The following PLXDC2 variants were observed in gnomAD, a reference collection of about 807,000 sequenced individuals.
PLXDC2 encodes plexin domain containing 2.
PLXDC2 carries 40 observed loss-of-function variants against 68.9 expected under a neutral mutation model. The ratio of observed to expected loss-of-function variants is 0.58; its 90% confidence interval spans 0.45 to 0.76. PLXDC2 has a LOEUF of 0.76. Among genes scored for constraint, PLXDC2 ranks in the 30% least tolerant of loss-of-function variants. The pLI, the probability that PLXDC2 is intolerant of heterozygous loss-of-function variation, is 0.00. For synonymous variants in PLXDC2, 243 were observed against 234.2 expected (o/e 1.04, Z -0.34); for missense variants, 644 against 661.9 (o/e 0.97, Z 0.30).
At position 19,893,806 on chromosome 10, in the gene PLXDC2, G is replaced by A. The variant is rs568452601; in HGVS notation, c.112+76615G>A. ...TGTCATGTCAGAAATGACAACTCAT[G>A]TCTCCTCAACTAGTTACACAGCTCT... is the stretch of plus-strand genomic sequence containing the variant. On this transcript the variant is annotated intron_variant, in intron 1 of 13. Coordinates refer to ENST00000377252, the MANE Select transcript of PLXDC2 (RefSeq NM_032812.9). Among the ~76,000 whole-genome samples the A allele has an allele frequency of 3.9e-5, 6 of 152,246 alleles. No individual in the cohort carries two copies. In the South Asian group the frequency reaches 1.2e-3, roughly 32 times the overall value.
chr10:20,177,346 G>T lies in PLXDC2; in HGVS notation c.998G>T (p.Arg333Ile). The T allele has an allele frequency of 6.2e-7, 1 of 1,605,736 alleles. No homozygotes were observed. The highest frequency in any genetic ancestry group is 8.5e-7 in the Non-Finnish European group (1 of 1,172,814). ...TPLPTCLQFNRCGPCVSSQIG... is the reference protein window; with the variant it reads ...TPLPTCLQFNICGPCVSSQIG... ...TCCCTAGCATGCCTCCAGTTTAACA[G>T]ATGTGGCCCCTGTGTATCTTCTCAG... Residue 333 changes from arginine to isoleucine, a missense_variant, in exon 9 of 14, where the codon AGA (arginine) becomes ATA (isoleucine). Physicochemically the swap from Arg to Ile is moderately conservative, Grantham distance 97 (BLOSUM62 -3). Transcript: ENST00000377252.
At chr10:20,175,640 G>A (rs922834310) in intron 7 of PLXDC2, among the ~76,000 whole-genome samples, 9 of 152,120 alleles carry the variant, frequency 5.9e-5, no homozygotes, top group African/African-American at 2.2e-4. Context: ...ACCAGCATGG[G>A]CAACATAACC....
chr10:19,999,214 G>A (rs745404066), intron 1 of PLXDC2, among the ~76,000 whole-genome samples: 2 of 152,136 alleles, frequency 1.3e-5, no homozygotes, highest in Non-Finnish European at 2.9e-5. Flanking sequence ...GAGGGAAGGT[G>A]CTAATGGGTA....
intron 13 of PLXDC2, among the ~76,000 whole-genome samples, chr10:20,248,387 T>A (rs1033594264): frequency 3.3e-5 from 5 of 152,200 alleles, no homozygotes; most frequent in African/African-American, 1.2e-4. Context: ...ATAATTTAGT[T>A]CTATACTCTC....
chr10:20,032,518 C>T (rs1387178879), intron 2 of PLXDC2, among the ~76,000 whole-genome samples: 2 of 152,098 alleles, frequency 1.3e-5, no homozygotes, highest in East Asian at 1.9e-4. Flanking sequence ...GTGAGGGGAA[C>T]TTATACGAGA....
chr10:20,235,316 G>A (rs1401033740), intron 12 of PLXDC2, among the ~76,000 whole-genome samples: 1 of 152,162 alleles, frequency 6.6e-6, no homozygotes, highest in African/African-American at 2.4e-5. Context: ...TGATTGAGAA[G>A]AATGAGGGTA....
intron 1 of PLXDC2, among the ~76,000 whole-genome samples, chr10:19,986,592 G>T (rs1220647937): frequency 6.6e-6 from 1 of 151,770 alleles, no homozygotes; most frequent in Admixed American, 6.6e-5. Flanking sequence ...ATCCCAGGCT[G>T]CCTGTCTGTT....
At chr10:19,837,106 T>G (rs1489335046) in intron 1 of PLXDC2, among the ~76,000 whole-genome samples, 2 of 104,796 alleles carry the variant, frequency 1.9e-5, no homozygotes, top group Non-Finnish European at 4.3e-5. Flanking sequence ...GAATTGAAGG[T>G]TTTTTTTTTA....
chr10:19,985,327 G>A (rs1163370611), intron 1 of PLXDC2, among the ~76,000 whole-genome samples: 1 of 152,168 alleles, frequency 6.6e-6, no homozygotes, highest in Non-Finnish European at 1.5e-5. Flanking sequence ...GAGGAAAATG[G>A]GGATAGAACA....
At chr10:20,097,715 G>T (rs72791893) in intron 4 of PLXDC2, among the ~76,000 whole-genome samples, 3,572 of 152,110 alleles carry the variant, frequency 0.023, 65 homozygotes, top group Middle Eastern at 0.071. Flanking sequence ...GTGGAAATTT[G>T]TTATAGGTGC....
intron 13 of PLXDC2, among the ~76,000 whole-genome samples, chr10:20,271,004 AT>A (rs1835932925): frequency 6.6e-6 from 1 of 151,958 alleles, no homozygotes; most frequent in African/African-American, 2.4e-5. Context: ...GTGAGAAAAT[AT>A]GGAACTAGTA....
chr10:19,926,466 C>T (rs747925772), intron 1 of PLXDC2, among the ~76,000 whole-genome samples: 1 of 152,156 alleles, frequency 6.6e-6, no homozygotes, highest in Admixed American at 6.5e-5. Context: ...GAGGCGTCAG[C>T]AGGCGGAAAT....
chr10:19,947,732 C>G lies in PLXDC2; in HGVS notation c.113-54043C>G, dbSNP rs190704398. ...CTTTTTTTTTTTTTTTTGCACAGTT[C>G]TAGTGTTTTGCTGTTTAACAAGTTA... On this transcript the variant is annotated intron_variant, in intron 1 of 13. Coordinates refer to ENST00000377252, the MANE Select transcript of PLXDC2 (RefSeq NM_032812.9). Among the ~76,000 whole-genome samples, 12 of 62,908 alleles carry G rather than the reference C, an allele frequency of 1.9e-4. 1 individual carries two copies. The South Asian group carries it at 2.5e-3, about 13-fold the overall frequency. The allele number at this position is 62,908 out of a possible 152,430, so 41.3% of individuals were successfully genotyped here. A position where few individuals can be genotyped will look rare whatever the true frequency, so the allele number is the denominator to read the frequency against.
intron 1 of PLXDC2, among the ~76,000 whole-genome samples, chr10:19,947,707 C>CTTTTTTTTTTTTTTTTTTTTCTTTTT (rs34439585): frequency 1.7e-5 from 2 of 120,974 alleles, no homozygotes; most frequent in Non-Finnish European, 3.4e-5. Flanking sequence ...TTCTTTCTTT[C>CTTTTTTTTTTTTTTTTTTTTCTTTTT]TTTTTTTTTT....
At chr10:20,020,560 T>C (rs1329605638) in intron 2 of PLXDC2, among the ~76,000 whole-genome samples, 1 of 152,112 alleles carries the variant, frequency 6.6e-6, no homozygotes, top group African/African-American at 2.4e-5. Flanking sequence ...ATGAGAGATA[T>C]ATATATATGT....
chr10:19,987,562 G>GTT (rs762882608), intron 1 of PLXDC2, among the ~76,000 whole-genome samples: 4 of 16,820 alleles, frequency 2.4e-4, no homozygotes, highest in Non-Finnish European at 3.6e-4. Flanking sequence ...GTTTTGTTTT[G>GTT]TTTTTTTTTC....
At chr10:20,218,587 A>G (rs182535355) in intron 11 of PLXDC2, among the ~76,000 whole-genome samples, 101 of 152,248 alleles carry the variant, frequency 6.6e-4, no homozygotes, top group Non-Finnish European at 1.1e-3. Context: ...AGATCTCTTT[A>G]TATAGAATTT....
At position 20,031,207 on chromosome 10, in the gene PLXDC2, A is replaced by C. The variant is rs12354942; in HGVS notation, c.325-15662A>C. On this transcript the variant is annotated intron_variant, in intron 2 of 13. Transcript: ENST00000377252. ...ACATAGTGAGGCCCTGTTTCTACAA[A>C]AAACTTTAAAAAGATAGCCGACCAT... Among the ~76,000 whole-genome samples the C allele has an allele frequency of 4.0e-3, 609 of 152,210 alleles. 3 individuals carry two copies. Among genetic ancestry groups the C allele is most frequent in the Non-Finnish European group, 6.3e-3 (427 of 68,002 alleles).
intron 2 of PLXDC2, among the ~76,000 whole-genome samples, chr10:20,040,540 C>T (rs544228500): frequency 2.6e-5 from 4 of 152,272 alleles, no homozygotes; most frequent in East Asian, 1.9e-4. Context: ...CATAAATCCT[C>T]GTCTTGCTCT....
Sources: gnomAD v4.1 joint callset for allele counts (sites outside exome capture counted in the v4.1 genomes callset) on GRCh38, gnomAD v4.1.1 for gene constraint, MANE v1.5 for transcripts, NCBI Gene and HGNC (gene_info 2026-07-23, HGNC 2026-07-21) for gene names.